The following CSMD1 variants were observed in gnomAD, a reference collection of about 807,000 sequenced individuals.
CSMD1 encodes CUB and Sushi multiple domains 1, also known as CUB and sushi domain-containing protein 1.
In CSMD1, 213 loss-of-function variants were observed where a neutral mutation model predicts 417.5. That is an observed-to-expected ratio of 0.51 (90% CI 0.46 to 0.57). The LOEUF (loss-of-function observed/expected upper bound fraction) is 0.57. CSMD1 is among the 20% of genes least tolerant of loss of function. The probability of loss-of-function intolerance (pLI) is 0.00; values close to 1 mark genes in which losing one functional copy is unlikely to be tolerated. For missense variants in CSMD1, 6,923 were observed against 4,529.7 expected (o/e 1.53, Z -15.17); for synonymous variants, 2,862 against 1,736.8 (o/e 1.65, Z -16.11).
intron 5 of CSMD1, among the ~76,000 whole-genome samples, chr8:3,936,054 T>C (rs1810469506): frequency 6.6e-6 from 1 of 152,066 alleles, no homozygotes; most frequent in South Asian, 2.1e-4. Flanking sequence ...GTTTAGAGTG[T>C]CCTGGGTAAA....
At chr8:4,663,705 G>A (rs1290172361) in intron 1 of CSMD1, among the ~76,000 whole-genome samples, 2 of 152,148 alleles carry the variant, frequency 1.3e-5, no homozygotes, top group Non-Finnish European at 2.9e-5. Context: ...AGAACCGCAG[G>A]TCAACTAAAT....
chr8:3,268,370 G>A (rs1192531099), intron 26 of CSMD1, among the ~76,000 whole-genome samples: 3 of 137,310 alleles, frequency 2.2e-5, no homozygotes, highest in Non-Finnish European at 4.5e-5. Flanking sequence ...CTCACTGCAA[G>A]CTCCGCCTCC....
intron 7 of CSMD1, among the ~76,000 whole-genome samples, chr8:3,669,086 T>C (rs1488708636): frequency 1.1e-4 from 16 of 152,146 alleles, no homozygotes; most frequent in East Asian, 1.9e-4. Context: ...AGAAATATGA[T>C]TGTGGAAGCC....
intron 5 of CSMD1, among the ~76,000 whole-genome samples, chr8:3,874,717 G>A (rs766613023): frequency 1.3e-5 from 2 of 152,054 alleles, no homozygotes; most frequent in African/African-American, 2.4e-5. Context: ...TGCGACTGGC[G>A]CCCACTGCTC....
chr8:4,351,663 C>CA (rs1473224047), intron 3 of CSMD1, among the ~76,000 whole-genome samples: 33 of 152,250 alleles, frequency 2.2e-4, no homozygotes, highest in African/African-American at 6.7e-4. Flanking sequence ...GCTTCCCAGG[C>CA]AAGATGTCTT....
intron 23 of CSMD1, among the ~76,000 whole-genome samples, chr8:3,323,780 C>A (rs796738345): frequency 6.5e-4 from 71 of 108,924 alleles, no homozygotes; most frequent in East Asian, 2.0e-3. Flanking sequence ...TAAAATAGGC[C>A]CACATCCAAC....
chr8:4,097,456 G>C (rs1024894379), intron 3 of CSMD1, among the ~76,000 whole-genome samples: 1 of 152,134 alleles, frequency 6.6e-6, no homozygotes, highest in African/African-American at 2.4e-5. Flanking sequence ...TCATTAAAGG[G>C]GGTTGTAATA....
intron 39 of CSMD1, among the ~76,000 whole-genome samples, 165 bp from the exon 40 acceptor site, chr8:3,151,678 G>T (rs1434400857): frequency 6.6e-6 from 1 of 152,172 alleles, no homozygotes; most frequent in African/African-American, 2.4e-5. Context: ...AGTTATTTAT[G>T]AGCTGTGCTC....
At chr8:4,035,915 C>A (rs12680739) in intron 3 of CSMD1, among the ~76,000 whole-genome samples, 22,708 of 152,188 alleles carry the variant, frequency 0.15, 2,423 homozygotes, top group East Asian at 0.39. Flanking sequence ...CACAGACTCA[C>A]CCAGAGCAAC....
At chr8:3,546,778 T>G (rs1798685043) in intron 10 of CSMD1, among the ~76,000 whole-genome samples, 1 of 152,200 alleles carries the variant, frequency 6.6e-6, no homozygotes, top group Admixed American at 6.5e-5. Flanking sequence ...ACATGAACTT[T>G]TTGAACAGGA....
At chr8:4,469,582 A>G (rs996150152) in intron 2 of CSMD1, among the ~76,000 whole-genome samples, 1 of 152,086 alleles carries the variant, frequency 6.6e-6, no homozygotes, top group East Asian at 1.9e-4. Flanking sequence ...TTGTGCAAAC[A>G]CCTTGGAGTG....
chr8:3,691,001 C>T (rs922654080), intron 7 of CSMD1, among the ~76,000 whole-genome samples: 4 of 152,076 alleles, frequency 2.6e-5, no homozygotes, highest in Admixed American at 6.6e-5. Context: ...GGAGTGCTGA[C>T]GGGTTTCATC....
At chr8:3,251,035 T>A (rs1309524493) in intron 26 of CSMD1, among the ~76,000 whole-genome samples, 1 of 152,226 alleles carries the variant, frequency 6.6e-6, no homozygotes, top group Non-Finnish European at 1.5e-5. Context: ...CTGATGGTAG[T>A]TTCTTTTGCT....
Position 3,116,061 on chromosome 8 carries a change from G to A in CSMD1, c.6430+2338C>T, listed in dbSNP as rs115720691. ...AAGTGCCATATAACTGTAACTAATAGGCGTTTGAACAGCCTCCGCATTCTT... is the reference window on the plus strand; with the variant it reads ...AAGTGCCATATAACTGTAACTAATAAGCGTTTGAACAGCCTCCGCATTCTT... On this transcript the variant is annotated intron_variant, in intron 42 of 69. Coordinates refer to ENST00000635120, the MANE Select transcript of CSMD1 (RefSeq NM_033225.6). 6.3e-3 allele frequency among the ~76,000 whole-genome samples: 966 copies of A among 152,230 alleles called. 14 individuals are homozygous for A. The highest frequency in any genetic ancestry group is 0.022 in the African/African-American group (918 of 41,546).
At chr8:3,382,109 A>C (rs1304386612) in intron 18 of CSMD1, among the ~76,000 whole-genome samples, 4 of 151,948 alleles carry the variant, frequency 2.6e-5, no homozygotes, top group East Asian at 1.9e-4. Context: ...AAATACAAAA[A>C]TTAGCTGGGC....
chr8:4,437,577 G>C (rs897605313), intron 2 of CSMD1, among the ~76,000 whole-genome samples: 1 of 152,160 alleles, frequency 6.6e-6, no homozygotes, highest in Admixed American at 6.5e-5. Context: ...CAGACTATCA[G>C]GTTTAAAATG....
At chr8:3,556,907 C>G (rs2116825040) in intron 10 of CSMD1, among the ~76,000 whole-genome samples, 1 of 152,230 alleles carries the variant, frequency 6.6e-6, no homozygotes, top group East Asian at 1.9e-4. Context: ...AAACAATCAT[C>G]AGGTCACAAA....
chr8:4,274,271 GCTA>G (rs1563371334), intron 3 of CSMD1, among the ~76,000 whole-genome samples: 2 of 152,088 alleles, frequency 1.3e-5, no homozygotes, highest in Non-Finnish European at 2.9e-5. Flanking sequence ...TCTTCTAGCT[GCTA>G]CTATCAGGCT....
At chr8:4,891,574 A>T (rs1007557265) in intron 1 of CSMD1, among the ~76,000 whole-genome samples, 19 of 152,068 alleles carry the variant, frequency 1.2e-4, no homozygotes, top group Admixed American at 1.2e-3. Flanking sequence ...CTTGCAATTT[A>T]TTTTTCATCT....
Sources: gnomAD v4.1 joint callset for allele counts (sites outside exome capture counted in the v4.1 genomes callset) on GRCh38, gnomAD v4.1.1 for gene constraint, MANE v1.5 for transcripts, NCBI Gene and HGNC (gene_info 2026-07-23, HGNC 2026-07-21) for gene names.